Variants in GALNT17 observed in about 807,000 individuals in gnomAD.
GALNT17 encodes the protein polypeptide N-acetylgalactosaminyltransferase 17.
GALNT17 carries 29 observed loss-of-function variants against 63.7 expected under a neutral mutation model. That is an observed-to-expected ratio of 0.46 (90% CI 0.34 to 0.62). The LOEUF is 0.62. GALNT17 is among the 20% of genes least tolerant of loss of function. GALNT17 has a pLI of 0.01. For missense variants in GALNT17, 603 were observed against 799.6 expected (o/e 0.75, Z 2.97); for synonymous variants, 305 against 318.3 (o/e 0.96, Z 0.45).
chr7:71,334,044 G>A (rs771902069), intron 1 of GALNT17, among the ~76,000 whole-genome samples: 9 of 152,218 alleles, frequency 5.9e-5, no homozygotes, highest in African/African-American at 9.6e-5. Flanking sequence ...CTAATTCTCC[G>A]CCGATAGGGT....
At chr7:71,153,679 G>A (rs762185557) in intron 1 of GALNT17, among the ~76,000 whole-genome samples, 2 of 152,128 alleles carry the variant, frequency 1.3e-5, no homozygotes, top group African/African-American at 2.4e-5. Flanking sequence ...CACTGTGGGA[G>A]GCCGAGGCCG....
At chr7:71,196,852 C>T (rs149660830) in intron 1 of GALNT17, among the ~76,000 whole-genome samples, 4,035 of 151,886 alleles carry the variant, frequency 0.027, 180 homozygotes, top group African/African-American at 0.091. Flanking sequence ...CGGGGTTTCA[C>T]CATGTTGGCC....
intron 10 of GALNT17, among the ~76,000 whole-genome samples, chr7:71,711,238 A>G (rs1238013525): frequency 6.6e-6 from 1 of 152,072 alleles, no homozygotes; most frequent in Non-Finnish European, 1.5e-5. Context: ...TGAGACCATC[A>G]GACCAAGAAT....
intron 5 of GALNT17, among the ~76,000 whole-genome samples, chr7:71,553,237 G>A (rs1349210041): frequency 6.6e-6 from 1 of 152,044 alleles, no homozygotes; most frequent in Non-Finnish European, 1.5e-5. Context: ...TGAGGTGGGA[G>A]GATTGCTTGA....
intron 1 of GALNT17, among the ~76,000 whole-genome samples, chr7:71,139,284 C>T (rs969905358): frequency 2.6e-5 from 4 of 152,118 alleles, no homozygotes; most frequent in Admixed American, 6.5e-5. Flanking sequence ...ACTTGCCCCT[C>T]GCAGGCTCAA....
intron 2 of GALNT17, among the ~76,000 whole-genome samples, chr7:71,343,191 G>A (rs1211916759): frequency 1.3e-5 from 2 of 152,200 alleles, no homozygotes; most frequent in Non-Finnish European, 2.9e-5. Flanking sequence ...TGATATCTGA[G>A]CCCTGGAGAT....
At chr7:71,601,801 T>C (rs1789970709) in intron 6 of GALNT17, among the ~76,000 whole-genome samples, 1 of 151,422 alleles carries the variant, frequency 6.6e-6, no homozygotes, top group African/African-American at 2.4e-5. Flanking sequence ...AAAAATAAAA[T>C]AAAATAAGAA....
chr7:71,482,276 A>G (rs1470587835), intron 5 of GALNT17, among the ~76,000 whole-genome samples: 3 of 151,494 alleles, frequency 2.0e-5, no homozygotes, highest in Non-Finnish European at 4.4e-5. Context: ...CAGCCTCCAG[A>G]GTAGCTGGGA....
chr7:71,244,131 C>T (rs752110340), intron 1 of GALNT17, among the ~76,000 whole-genome samples: 19 of 152,276 alleles, frequency 1.2e-4, no homozygotes, highest in Middle Eastern at 3.4e-3. Context: ...CTCCAGCATC[C>T]GCCTGCTGCT....
At chr7:71,450,174 C>T (rs12671978) in intron 5 of GALNT17, among the ~76,000 whole-genome samples, 21,739 of 142,964 alleles carry the variant, frequency 0.15, 1,720 homozygotes, top group East Asian at 0.23. Flanking sequence ...CTTTCTCTGT[C>T]GCCCAGGATG....
intron 2 of GALNT17, among the ~76,000 whole-genome samples, 196 bp downstream of exon 2, chr7:71,335,929 A>C (rs1791892643): frequency 6.6e-6 from 1 of 152,168 alleles, no homozygotes; most frequent in Non-Finnish European, 1.5e-5. Context: ...GTTGTTATCA[A>C]AGTGTTCCAG....
chr7:71,418,539 T>C (rs1011154298), intron 4 of GALNT17, among the ~76,000 whole-genome samples: 1 of 152,210 alleles, frequency 6.6e-6, no homozygotes, highest in African/African-American at 2.4e-5. Flanking sequence ...TCCATCTTTG[T>C]GGCTCAGGGA....
intron 6 of GALNT17, among the ~76,000 whole-genome samples, chr7:71,577,215 G>A (rs1020797063): frequency 2.0e-5 from 3 of 152,136 alleles, no homozygotes; most frequent in African/African-American, 7.2e-5. Context: ...CTACTAGAGT[G>A]GGGAGACAGA....
At chr7:71,403,044 G>GGTT in intron 3 of GALNT17, among the ~76,000 whole-genome samples, 1 of 152,196 alleles carries the variant, frequency 6.6e-6, no homozygotes, top group South Asian at 2.1e-4. Context: ...ATCCTAACTA[G>GGTT]GTTGTGCATT....
intron 2 of GALNT17, among the ~76,000 whole-genome samples, chr7:71,381,665 G>A (rs986370712): frequency 2.0e-5 from 3 of 152,170 alleles, no homozygotes; most frequent in African/African-American, 7.2e-5. Context: ...TGTAATCCCA[G>A]CTAATCAGGA....
rs1162042690 is a variant in GALNT17, at chr7:71,440,824, C to T, written c.962+19719C>T. On this transcript the variant is annotated intron_variant, in intron 5 of 10. Transcript: ENST00000333538. Reference sequence around the variant, plus strand: ...GCCTTTTTTGTTTACCTAGTCTCTCCAGTAGCACTTGCTGGAGTTTTCATC... The same window carrying T: ...GCCTTTTTTGTTTACCTAGTCTCTCTAGTAGCACTTGCTGGAGTTTTCATC... Among the ~76,000 whole-genome samples the T allele has an allele frequency of 2.0e-5, 3 of 152,260 alleles. No homozygotes were observed. In the South Asian group the frequency reaches 6.2e-4, roughly 32 times the overall value.
intron 1 of GALNT17, among the ~76,000 whole-genome samples, chr7:71,180,115 A>C (rs914291974): frequency 6.6e-6 from 1 of 151,978 alleles, no homozygotes; most frequent in African/African-American, 2.4e-5. Flanking sequence ...CAAGACAACA[A>C]TGAGTATTTT....
chr7:71,571,144 CATG>C (rs1789435075), intron 5 of GALNT17, 138 bp from the exon 6 acceptor site: 2 of 627,872 alleles, frequency 3.2e-6, no homozygotes, highest in Admixed American at 5.0e-5. Flanking sequence ...GAACCCAGTA[CATG>C]CTAGGCTGGA....
At chr7:71,665,360 A>G (rs1454887357) in intron 6 of GALNT17, 51 bp from the exon 7 acceptor site, 4 of 1,558,902 alleles carry the variant, frequency 2.6e-6, no homozygotes, top group South Asian at 2.4e-5. Context: ...GGGAGGGGGC[A>G]TAGCCTCTGG....
Sources: allele counts gnomAD v4.1 joint callset (sites outside exome capture counted in the v4.1 genomes callset), GRCh38; gene constraint gnomAD v4.1.1; transcripts MANE v1.5; gene names NCBI Gene and HGNC (gene_info 2026-07-23, HGNC 2026-07-21).